The following PPP2R2D variants were observed in gnomAD, a reference collection of about 807,000 sequenced individuals.
PPP2R2D encodes serine/threonine-protein phosphatase 2A 55 kDa regulatory subunit B delta isoform.
PPP2R2D carries 9 observed loss-of-function variants against 31.1 expected under a neutral mutation model. The ratio of observed to expected loss-of-function variants is 0.29; its 90% CI spans 0.17 to 0.51. The LOEUF is 0.51. PPP2R2D is among the 20% of genes least tolerant of loss of function. PPP2R2D has a pLI of 0.98. For synonymous variants in PPP2R2D, 179 were observed against 172.6 expected (o/e 1.04, Z -0.29); for missense variants, 391 against 465.6 (o/e 0.84, Z 1.48).
intron 2 of PPP2R2D, among the ~76,000 whole-genome samples, chr10:131,904,226 A>G (rs2035547329): frequency 1.4e-5 from 2 of 139,142 alleles, no homozygotes; most frequent in Admixed American, 7.2e-5. Context: ...AAAAGGAGAG[A>G]GATGGCCGGG....
chr10:131,922,611 C>A (rs968051677), intron 2 of PPP2R2D, among the ~76,000 whole-genome samples: 2 of 152,034 alleles, frequency 1.3e-5, no homozygotes, highest in Non-Finnish European at 2.9e-5. Flanking sequence ...CACCACCACA[C>A]TTGGATAATT....
rs1288937512 is a variant in PPP2R2D at position 131,957,426 on chromosome 10, C to A, written c.*1463C>A. 2 of 188,124 alleles carry A rather than the reference C, an allele frequency of 1.1e-5. No homozygotes were observed. The highest frequency in any genetic ancestry group is 2.2e-5 in the Non-Finnish European group (2 of 91,162). 11.7% of individuals were successfully genotyped at this position (188,124 alleles called of 1,614,324 possible). On this transcript the variant is annotated 3_prime_UTR_variant, in exon 9 of 9. Coordinates refer to ENST00000455566, the MANE Select transcript of PPP2R2D (RefSeq NM_018461.5). ...TGGAGATGGAGGTGTGTGCTGATCC[C>A]CCATCCCATCCCCCTGTCTAGATGA...
chr10:131,957,087 A>G lies in PPP2R2D; in HGVS notation c.*1124A>G, dbSNP rs1180337219. On this transcript the variant is annotated 3_prime_UTR_variant, in exon 9 of 9. Coordinates refer to ENST00000455566, the MANE Select transcript of PPP2R2D (RefSeq NM_018461.5). ...AGACAAATAATACAGAGCTGTACCAATGCTGAGTGACCAGAGCTTGCTTCC... is the reference window on the plus strand; with the variant it reads ...AGACAAATAATACAGAGCTGTACCAGTGCTGAGTGACCAGAGCTTGCTTCC... The G allele has an allele frequency of 1.9e-5, 3 of 155,782 alleles. No homozygotes were observed. The highest frequency in any genetic ancestry group is 1.3e-4 in the Admixed American group (2 of 15,534). The allele number at this position is 155,782 out of a possible 1,614,324, so 9.6% of individuals were successfully genotyped here.
chr10:131,940,023 C>T lies in PPP2R2D; in HGVS notation c.199-8C>T. On this transcript the variant is annotated splice_region_variant and splice_polypyrimidine_tract_variant and intron_variant, in intron 3 of 8. Transcript: ENST00000455566. ...GTTCATTAAAACAGCTCTCATGTTT[C>T]CTTGCAGAATAAAAGCCGCCCTCAT... 1.4e-6 allele frequency: 1 copy of T among 713,876 alleles called. No individual in the cohort carries two copies. Among genetic ancestry groups the T allele is most frequent in the Non-Finnish European group, 2.6e-6 (1 of 386,262 alleles). The allele number at this position is 713,876 out of a possible 1,614,324, so 44.2% of individuals were successfully genotyped here.
Position 131,956,024 on chromosome 10 carries a change from G to A in PPP2R2D, c.*61G>A. The stretch of plus-strand genomic sequence containing the variant: ...AGTTAAGCCGGACATTTTTCTGTCA[G>A]AGAAAAGGCATCATTGTCCGCTCCA... On this transcript the variant is annotated 3_prime_UTR_variant, in exon 9 of 9. Transcript: ENST00000455566. The A allele has an allele frequency of 7.2e-7, 1 of 1,381,020 alleles. No individual in the cohort carries two copies. 85.5% of individuals were successfully genotyped at this position (1,381,020 alleles called of 1,614,324 possible).
rs781897599 is a variant in PPP2R2D, at chr10:131,947,809, A to G, written c.1082+18A>G. ...TCGGATAGGTAAGGCCTGCGTGGAG[A>G]TGAGCTGTCGCCCCAAGCTTGCTGG... On this transcript the variant is annotated intron_variant, in intron 8 of 8. Coordinates refer to ENST00000455566, the MANE Select transcript of PPP2R2D (RefSeq NM_018461.5). The surrounding 1 kb of genome is among the most constrained non-coding windows in gnomAD (Gnocchi z 4.3). 1.1e-5 allele frequency: 18 copies of G among 1,605,692 alleles called. 1 individual carries two copies. In the South Asian group the frequency reaches 1.3e-4, roughly 12 times the overall value.
chr10:131,937,022 C>T (rs2036355386), intron 3 of PPP2R2D, among the ~76,000 whole-genome samples: 1 of 152,238 alleles, frequency 6.6e-6, no homozygotes, highest in South Asian at 2.1e-4. Context: ...AGCTGCTGCC[C>T]ATCAAGCGAC....
the PPP2R2D span, among the ~76,000 whole-genome samples, chr10:131,966,187 C>T: frequency 7.2e-5 from 11 of 152,116 alleles, no homozygotes; most frequent in South Asian, 4.1e-4. Context: ...AGCAACGTGT[C>T]GGCGTCACGT....
At chr10:131,929,298 G>A (rs891702649) in intron 2 of PPP2R2D, among the ~76,000 whole-genome samples, 2 of 152,232 alleles carry the variant, frequency 1.3e-5, no homozygotes, top group Non-Finnish European at 2.9e-5. Context: ...AAATGCCATC[G>A]TGGGAACTGT....
chr10:131,950,678 G>A (rs2036620982), intron 8 of PPP2R2D, among the ~76,000 whole-genome samples: 1 of 152,176 alleles, frequency 6.6e-6, no homozygotes, highest in Non-Finnish European at 1.5e-5. Flanking sequence ...GGCTGAGACA[G>A]ATAGGCAGAG....
chr10:131,951,116 A>T (rs1354683827), intron 8 of PPP2R2D, among the ~76,000 whole-genome samples: 1 of 152,236 alleles, frequency 6.6e-6, no homozygotes, highest in East Asian at 1.9e-4. Flanking sequence ...CATCCTTCTT[A>T]GTGATCAGCA....
intron 2 of PPP2R2D, among the ~76,000 whole-genome samples, chr10:131,904,378 C>T (rs1317858143): frequency 4.6e-5 from 7 of 151,552 alleles, no homozygotes; most frequent in African/African-American, 1.5e-4. Flanking sequence ...GGTGTGATGG[C>T]GGGCGCCTGC....
downstream of PPP2R2D, among the ~76,000 whole-genome samples, chr10:131,962,170 C>G (rs1256808901): frequency 6.6e-6 from 1 of 152,196 alleles, no homozygotes; most frequent in Non-Finnish European, 1.5e-5. Context: ...ACTAGCTGCC[C>G]GGTGATGACA....
rs1230342129 is a variant in PPP2R2D, at chr10:131,945,018, C to T, written c.656-277C>T. Among the ~76,000 whole-genome samples the T allele has an allele frequency of 1.3e-5, 2 of 152,100 alleles. No individual in the cohort carries two copies. The highest frequency in any genetic ancestry group is 2.9e-5 in the Non-Finnish European group (2 of 68,030). Reference sequence around the variant, plus strand: ...GTATGTACTATCTTGCTATTAAGGGCTTTCTGTATAACATTAATAATAGCA... The same window carrying T: ...GTATGTACTATCTTGCTATTAAGGGTTTTCTGTATAACATTAATAATAGCA... On this transcript the variant is annotated intron_variant, in intron 6 of 8. Transcript: ENST00000455566. The surrounding 1 kb of genome is among the most constrained non-coding windows in gnomAD (Gnocchi z 4.8).
At chr10:131,927,469 C>T (rs557276643) in intron 2 of PPP2R2D, among the ~76,000 whole-genome samples, 23 of 152,216 alleles carry the variant, frequency 1.5e-4, no homozygotes, top group African/African-American at 5.3e-4. Context: ...GGTGAGAGTC[C>T]GAGTGAAGAC....
At chr10:131,964,144 T>G (rs1488215352), downstream of PPP2R2D, among the ~76,000 whole-genome samples, 3 of 152,324 alleles carry the variant, frequency 2.0e-5, no homozygotes, top group East Asian at 5.8e-4. Flanking sequence ...AGATCTGGCC[T>G]CCTCTGCATC....
chr10:131,913,195 T>TC (rs1293783001), intron 2 of PPP2R2D, among the ~76,000 whole-genome samples: 1 of 151,068 alleles, frequency 6.6e-6, no homozygotes, highest in Non-Finnish European at 1.5e-5. Context: ...TTTTTTTTTT[T>TC]TTTTTTTGTA....
chr10:131,961,754 G>A (rs554467994), downstream of PPP2R2D, among the ~76,000 whole-genome samples: 21 of 152,280 alleles, frequency 1.4e-4, no homozygotes, highest in African/African-American at 4.8e-4. Flanking sequence ...AGGGCACAGC[G>A]GCTGCGACTT....
the PPP2R2D span, among the ~76,000 whole-genome samples, chr10:131,965,801 G>A: frequency 6.6e-6 from 1 of 152,294 alleles, no homozygotes; most frequent in South Asian, 2.1e-4. Flanking sequence ...GCTTCCAAAT[G>A]TTCTTTCCTT....
Sources: gnomAD v4.1 joint callset for allele counts (sites outside exome capture counted in the v4.1 genomes callset) on GRCh38, gnomAD v4.1.1 for gene constraint, Gnocchi (gnomAD v3.1) non-coding constraint, MANE v1.5 for transcripts, NCBI Gene and HGNC (gene_info 2026-07-23, HGNC 2026-07-21) for gene names.